Variants in DTNB observed in about 807,000 individuals in gnomAD.
The protein encoded by DTNB is dystrobrevin beta, also known as DTN-B.
DTNB carries 63 observed loss-of-function variants against 90.7 expected under a neutral mutation model. The ratio of observed to expected loss-of-function variants is 0.69; its 90% CI spans 0.57 to 0.86. The LOEUF is 0.86. Ranked by LOEUF, DTNB falls within the 40% of genes least tolerant of loss-of-function variation. The pLI is 0.00. For missense variants in DTNB, 744 were observed against 807.1 expected, an observed-to-expected ratio of 0.92 and a Z score of 0.95; for synonymous variants, 277 against 286.7, an observed-to-expected ratio of 0.97 and a Z score of 0.34.
intron 6 of DTNB, among the ~76,000 whole-genome samples, chr2:25,583,350 A>C (rs2061852528): frequency 6.6e-6 from 1 of 151,550 alleles, no homozygotes; most frequent in Admixed American, 6.6e-5. Context: ...TAGCTAGTAA[A>C]AAGTAGCGAA....
intron 10 of DTNB, among the ~76,000 whole-genome samples, chr2:25,467,802 C>T (rs927188882): frequency 1.4e-4 from 21 of 151,962 alleles, no homozygotes; most frequent in African/African-American, 4.4e-4. Context: ...TCAAAGGGTC[C>T]GATAGTAAAT....
chr2:25,623,275 A>G (rs2073248285), intron 4 of DTNB, among the ~76,000 whole-genome samples: 1 of 152,250 alleles, frequency 6.6e-6, no homozygotes, highest in Non-Finnish European at 1.5e-5. Context: ...CAAATGCAGG[A>G]GAGGCTGGAT....
intron 6 of DTNB, 28 bp from the exon 7 acceptor site, chr2:25,580,854 T>A: frequency 6.3e-7 from 1 of 1,580,124 alleles, no homozygotes; most frequent in Non-Finnish European, 8.6e-7. Context: ...ACAAACATAC[T>A]TTAAGTTTTT....
chr2:25,542,781 C>T (rs934043783), intron 8 of DTNB, among the ~76,000 whole-genome samples: 1 of 152,034 alleles, frequency 6.6e-6, no homozygotes, highest in Non-Finnish European at 1.5e-5. Context: ...TTAATTTCAA[C>T]TTAGCTTTTA....
intron 9 of DTNB, among the ~76,000 whole-genome samples, chr2:25,516,110 A>G (rs1252751039): frequency 1.3e-5 from 2 of 152,226 alleles, no homozygotes; most frequent in Non-Finnish European, 2.9e-5. Context: ...ACGAATTAAA[A>G]CTACAGTAAG....
intron 2 of DTNB, among the ~76,000 whole-genome samples, chr2:25,647,584 A>G (rs2079771750): frequency 6.6e-6 from 1 of 152,164 alleles, no homozygotes; most frequent in Non-Finnish European, 1.5e-5. Context: ...AAATTTAAAA[A>G]GATACTCCAG....
chr2:25,431,429 G>T (rs1280799770), intron 14 of DTNB, among the ~76,000 whole-genome samples: 1 of 152,126 alleles, frequency 6.6e-6, no homozygotes, highest in African/African-American at 2.4e-5. Flanking sequence ...TTGTACATAG[G>T]CATAGAAAAC....
Position 25,593,585 on chromosome 2 carries a change from A to AT in DTNB, c.603+2500dup, listed in dbSNP as rs564839935. Among the ~76,000 whole-genome samples, 42 of 151,614 alleles carry AT rather than the reference A, an allele frequency of 2.8e-4. No individual in the cohort carries two copies. The East Asian group carries it at 5.4e-3, about 20-fold the overall frequency. ...TTGACATATACAAAAATGCAGATTG[A>AT]TTTTTTTTTACAGGAATATGAATGA... On this transcript the variant is annotated intron_variant, in intron 6 of 20. Transcript: ENST00000406818.
chr2:25,466,963 A>C (rs796615569), intron 10 of DTNB, among the ~76,000 whole-genome samples: 4 of 152,336 alleles, frequency 2.6e-5, no homozygotes, highest in African/African-American at 9.6e-5. Flanking sequence ...GTGATCTCTA[A>C]TGTACTGGTT....
At chr2:25,606,820 T>G (rs920003502) in intron 5 of DTNB, among the ~76,000 whole-genome samples, 2 of 152,134 alleles carry the variant, frequency 1.3e-5, no homozygotes, top group Non-Finnish European at 2.9e-5. Context: ...TAAGGAATAA[T>G]GTAATCACAG....
intron 4 of DTNB, among the ~76,000 whole-genome samples, chr2:25,625,551 A>AT (rs66586812): frequency 1.9e-4 from 14 of 73,952 alleles, no homozygotes; most frequent in South Asian, 5.5e-4. Flanking sequence ...TAACTCACTC[A>AT]TTTTTTTTTT....
At chr2:25,554,518 C>T (rs1200458948) in intron 8 of DTNB, among the ~76,000 whole-genome samples, 1 of 151,946 alleles carries the variant, frequency 6.6e-6, no homozygotes, top group Non-Finnish European at 1.5e-5. Context: ...TTAGCAATAT[C>T]GAATAAAACT....
chr2:25,400,495 G>A (rs1170642553), intron 16 of DTNB, among the ~76,000 whole-genome samples: 1 of 152,238 alleles, frequency 6.6e-6, no homozygotes, highest in Non-Finnish European at 1.5e-5. Flanking sequence ...TTGGCACCCT[G>A]AGATTACAGG....
chr2:25,614,405 T>C (rs2069594677), intron 4 of DTNB, among the ~76,000 whole-genome samples: 1 of 152,172 alleles, frequency 6.6e-6, no homozygotes, highest in African/African-American at 2.4e-5. Flanking sequence ...CCAGGCAATA[T>C]GATCATATGT....
chr2:25,540,582 G>A lies in DTNB; in HGVS notation c.877-8985C>T, dbSNP rs566595266. ...AGTTCAGGGCCATGATGACAATGGCGGTTTTGTAGAATAGAAAAGGGGGAA... is the reference window on the plus strand; with the variant it reads ...AGTTCAGGGCCATGATGACAATGGCAGTTTTGTAGAATAGAAAAGGGGGAA... On this transcript the variant is annotated intron_variant, in intron 8 of 20. Coordinates refer to ENST00000406818, the MANE Select transcript of DTNB (RefSeq NM_021907.5). 9.5e-4 allele frequency among the ~76,000 whole-genome samples: 144 copies of A among 152,158 alleles called. 1 individual carries two copies. The Middle Eastern group carries it at 0.01, about 11-fold the overall frequency.
intron 11 of DTNB, among the ~76,000 whole-genome samples, chr2:25,452,099 G>A (rs907237695): frequency 3.3e-5 from 5 of 152,228 alleles, no homozygotes; most frequent in African/African-American, 1.2e-4. Context: ...CAAACACACT[G>A]TAAAGCTGGA....
At position 25,644,225 on chromosome 2, in the gene DTNB, C is replaced by T. The variant is rs118094224; in HGVS notation, c.68-5131G>A. Among the ~76,000 whole-genome samples the T allele has an allele frequency of 9.4e-4, 143 of 152,298 alleles. 1 individual carries two copies. In the East Asian group the frequency reaches 0.024, roughly 25 times the overall value. ...AATAAGCTTGCTTTCACTTTACGGA[C>T]GCACTGAGAATTCTTTCTTGCGTGA... On this transcript the variant is annotated intron_variant, in intron 2 of 20. Transcript: ENST00000406818.
At chr2:25,588,814 G>C (rs541151424) in intron 6 of DTNB, among the ~76,000 whole-genome samples, 1 of 152,196 alleles carries the variant, frequency 6.6e-6, no homozygotes, top group South Asian at 2.1e-4. Flanking sequence ...GCAATTGTGA[G>C]GTATCATTGG....
intron 1 of DTNB, among the ~76,000 whole-genome samples, chr2:25,666,022 T>G (rs2084359498): frequency 6.6e-6 from 1 of 152,228 alleles, no homozygotes. Flanking sequence ...CTACTATTAT[T>G]GATATTATTA....
Sources: gnomAD v4.1 joint callset for allele counts (sites outside exome capture counted in the v4.1 genomes callset) on GRCh38, gnomAD v4.1.1 for gene constraint, MANE v1.5 for transcripts, NCBI Gene and HGNC (gene_info 2026-07-23, HGNC 2026-07-21) for gene names.